The following LRRC37A2 variants were observed in gnomAD, a reference collection of about 807,000 sequenced individuals.
LRRC37A2 encodes leucine rich repeat containing 37 member A2, also known as leucine-rich repeat-containing protein 37A2.
LRRC37A2 carries 9 observed loss-of-function variants against 68.8 expected under a neutral mutation model. That is an observed-to-expected ratio of 0.13 (90% CI 0.08 to 0.23). The LOEUF is 0.23. LRRC37A2 is among the 10% of genes least tolerant of loss of function. The pLI is 1.00. For missense variants in LRRC37A2, 168 were observed against 950.4 expected, an observed-to-expected ratio of 0.18 and a Z score of 10.82; for synonymous variants, 63 against 367.6, an observed-to-expected ratio of 0.17 and a Z score of 9.48.
the LRRC37A2 span, among the ~76,000 whole-genome samples, chr17:46,783,910 T>C: frequency 6.6e-6 from 1 of 152,198 alleles, no homozygotes; most frequent in Non-Finnish European, 1.5e-5. Context: ...AGCTGGGCTT[T>C]GGAATATCAT....
At chr17:46,763,396 T>G in the LRRC37A2 span, 1 of 152,154 alleles carries the variant, frequency 6.6e-6, no homozygotes, top group Middle Eastern at 3.2e-3. Flanking sequence ...CCTTTGAACT[T>G]CTAATCCAGA....
At chr17:46,840,046 T>C in the LRRC37A2 span, among the ~76,000 whole-genome samples, 5 of 148,452 alleles carry the variant, frequency 3.4e-5, no homozygotes, top group African/African-American at 7.5e-5. Context: ...CTTTCTTTCT[T>C]TCTCTCTCTC....
chr17:46,923,723 C>T, the LRRC37A2 span: 6 of 472,046 alleles, frequency 1.3e-5, no homozygotes, highest in East Asian at 3.5e-5. Flanking sequence ...ACGTAGCATT[C>T]ACTATTATTA....
chr17:46,994,258 G>A, the LRRC37A2 span, among the ~76,000 whole-genome samples: 10 of 152,176 alleles, frequency 6.6e-5, no homozygotes, highest in South Asian at 2.1e-4. Flanking sequence ...GGTGGGGGGC[G>A]CCTGTAATCC....
the LRRC37A2 span, among the ~76,000 whole-genome samples, chr17:46,771,517 G>A: frequency 6.7e-6 from 1 of 149,106 alleles, no homozygotes; most frequent in East Asian, 2.0e-4. Flanking sequence ...GCGGGGCGGG[G>A]ATTAGCCTGG....
chr17:46,868,366 C>T, the LRRC37A2 span, among the ~76,000 whole-genome samples: 1 of 151,932 alleles, frequency 6.6e-6, no homozygotes, highest in Non-Finnish European at 1.5e-5. Flanking sequence ...CCAAGGTGGG[C>T]GGATCACATG....
the LRRC37A2 span, among the ~76,000 whole-genome samples, chr17:46,458,013 TA>T: frequency 3.1e-5 from 2 of 64,250 alleles, no homozygotes; most frequent in Non-Finnish European, 9.7e-5. Flanking sequence ...AATACTAACA[TA>T]TTTTTTTCAT....
the LRRC37A2 span, among the ~76,000 whole-genome samples, chr17:46,733,583 A>G: frequency 6.6e-6 from 1 of 152,144 alleles, no homozygotes; most frequent in Admixed American, 6.5e-5. Flanking sequence ...GTGCTTCCCA[A>G]CCTTTTTAGA....
the LRRC37A2 span, among the ~76,000 whole-genome samples, chr17:46,927,678 GT>G: frequency 6.6e-6 from 1 of 152,138 alleles, no homozygotes; most frequent in Non-Finnish European, 1.5e-5. Flanking sequence ...TGTCTAGGCT[GT>G]TTCTTTCCTC....
the LRRC37A2 span, chr17:46,923,725 C>A: frequency 2.2e-6 from 1 of 464,486 alleles, no homozygotes; most frequent in Non-Finnish European, 3.5e-6. Context: ...GTAGCATTCA[C>A]TATTATTACT....
the LRRC37A2 span, among the ~76,000 whole-genome samples, chr17:46,766,644 A>G: frequency 6.6e-6 from 1 of 152,218 alleles, no homozygotes; most frequent in East Asian, 1.9e-4. Context: ...GGCTTCCTAG[A>G]TGGGCTGAGT....
chr17:46,551,264 G>T (rs1446864769), intron 11 of LRRC37A2, among the ~76,000 whole-genome samples: 1 of 149,548 alleles, frequency 6.7e-6, no homozygotes, highest in Non-Finnish European at 1.5e-5. Context: ...CATTCCTGGA[G>T]CTTGCCTCTG....
chr17:46,956,608 A>G, the LRRC37A2 span, among the ~76,000 whole-genome samples: 2 of 152,090 alleles, frequency 1.3e-5, no homozygotes, highest in African/African-American at 4.8e-5. Context: ...AGCCCTTGCC[A>G]GTGTTTCTTA....
chr17:46,923,187 G>T, the LRRC37A2 span: 3 of 1,541,876 alleles, frequency 1.9e-6, no homozygotes, highest in South Asian at 3.6e-5. Context: ...CTGCGGGGCC[G>T]GCGACATGGA....
the LRRC37A2 span, among the ~76,000 whole-genome samples, chr17:46,868,019 A>T: frequency 6.6e-6 from 1 of 152,140 alleles, no homozygotes; most frequent in Non-Finnish European, 1.5e-5. Context: ...ACCTGGGGTC[A>T]TTGCTTTCTT....
chr17:46,534,415 C>T (rs1290376930), intron 6 of LRRC37A2, among the ~76,000 whole-genome samples: 2 of 148,048 alleles, frequency 1.4e-5, no homozygotes, highest in Non-Finnish European at 1.5e-5. Context: ...GAGCATGCTG[C>T]TTTCAAGCAT....
At chr17:46,936,356 C>T in the LRRC37A2 span, 2 of 985,272 alleles carry the variant, frequency 2.0e-6, no homozygotes, top group Non-Finnish European at 2.4e-6. Context: ...GCTAACTTCC[C>T]ACTCAAGTCT....
chr17:46,939,785 T>C, the LRRC37A2 span: 1 of 987,596 alleles, frequency 1.0e-6, no homozygotes, highest in African/African-American at 1.7e-5. Context: ...TTTCCTTCTG[T>C]GACCAGCCCC....
the LRRC37A2 span, among the ~76,000 whole-genome samples, chr17:46,495,693 C>T: frequency 6.7e-6 from 1 of 149,892 alleles, no homozygotes; most frequent in African/African-American, 2.5e-5. Context: ...CCCCTTTGTG[C>T]ACTTTTAAAA....
Sources: allele counts gnomAD v4.1 joint callset (sites outside exome capture counted in the v4.1 genomes callset), GRCh38; gene constraint gnomAD v4.1.1; transcripts MANE v1.5; gene names NCBI Gene and HGNC (gene_info 2026-07-23, HGNC 2026-07-21).